The following ADAM28 variants were observed in gnomAD, a reference collection of about 807,000 sequenced individuals.
ADAM28 encodes disintegrin and metalloproteinase domain-containing protein 28.
Under a neutral mutation model 101.2 loss-of-function variants are expected in ADAM28, and 105 were observed. That is an observed-to-expected ratio of 1.04 (90% CI 0.89 to 1.22). ADAM28 has a LOEUF of 1.22. Among genes scored for constraint, ADAM28 ranks in the 50% most tolerant of loss-of-function variants. The probability of loss-of-function intolerance (pLI) is 0.00; values close to 1 mark genes in which losing one functional copy is unlikely to be tolerated. For synonymous variants in ADAM28, 322 were observed against 310.6 expected (o/e 1.04, Z -0.39); for missense variants, 1,028 against 945.4 (o/e 1.09, Z -1.15).
At chr8:24,306,393 T>TATATATATATATATATATATTTAAAA (rs1563270853) in intron 2 of ADAM28, among the ~76,000 whole-genome samples, 1 of 138,804 alleles carries the variant, frequency 7.2e-6, no homozygotes, top group Non-Finnish European at 1.5e-5. Context: ...TATTTAAAAA[T>TATATATATATATATATATATTTAAAA]ATATATATAT....
chr8:24,310,040 G>T (rs1427048211), intron 3 of ADAM28, 70 bp downstream of exon 3: 19 of 1,475,052 alleles, frequency 1.3e-5, no homozygotes, highest in Non-Finnish European at 4.7e-6. Context: ...TGCTGAGTCT[G>T]TTGCTGCTTA....
At chr8:24,352,894 A>G (rs1816337129) in intron 21 of ADAM28, among the ~76,000 whole-genome samples, 1 of 151,850 alleles carries the variant, frequency 6.6e-6, no homozygotes, top group African/African-American at 2.4e-5. Flanking sequence ...ACCACCGCCA[A>G]TTCCTGCACC....
chr8:24,353,028 CTTGAAAT>C (rs1316437194), intron 21 of ADAM28, among the ~76,000 whole-genome samples: 3 of 152,118 alleles, frequency 2.0e-5, no homozygotes, highest in Non-Finnish European at 4.4e-5. Context: ...TTGAGGTTAA[CTTGAAAT>C]ATCACAGCAC....
Position 24,356,745 on chromosome 8 carries a change from T to C in ADAM28, c.*2341T>C, listed in dbSNP as rs1816713171. 6.6e-6 allele frequency: 1 copy of C among 152,338 alleles called. No homozygotes were observed. Among genetic ancestry groups the C allele is most frequent in the Non-Finnish European group, 1.5e-5 (1 of 68,026 alleles). The allele number at this position is 152,338 out of a possible 1,614,324, so 9.4% of individuals were successfully genotyped here. ...CCAAACCTGTTTTCATCATTAGTTA[T>C]TTTTACCTTGTCTACTTTAAAACAG... On this transcript the variant is annotated 3_prime_UTR_variant, in exon 23 of 23. Coordinates refer to ENST00000265769, the MANE Select transcript of ADAM28 (RefSeq NM_014265.6).
chr8:24,312,236 C>G (rs1370557730), intron 5 of ADAM28, among the ~76,000 whole-genome samples: 3 of 152,054 alleles, frequency 2.0e-5, no homozygotes, highest in Non-Finnish European at 4.4e-5. Context: ...CTTAAAGAAA[C>G]CTCAATCTCA....
chr8:24,310,931 T>C (rs1810371951), intron 4 of ADAM28, among the ~76,000 whole-genome samples: 1 of 152,122 alleles, frequency 6.6e-6, no homozygotes, highest in Non-Finnish European at 1.5e-5. Flanking sequence ...ACGCTTTTGA[T>C]AAATCAAGAA....
At chr8:24,318,275 T>G (rs1811425602) in intron 6 of ADAM28, among the ~76,000 whole-genome samples, 2 of 152,002 alleles carry the variant, frequency 1.3e-5, no homozygotes, top group Admixed American at 1.3e-4. Flanking sequence ...TGGAAAGAGC[T>G]TTGCTTTTGA....
rs1816717079 is a variant in ADAM28, at chr8:24,356,805, T to TTACTC, written c.*2404_*2408dup. 6.6e-6 allele frequency: 1 copy of TTACTC among 152,222 alleles called. No homozygotes were observed. Among genetic ancestry groups the TTACTC allele is most frequent in the South Asian group, 2.1e-4 (1 of 4,836 alleles). The allele number at this position is 152,222 out of a possible 1,614,324, so 9.4% of individuals were successfully genotyped here. ...TAGGTTAAATTATGTTTTTATCCAGTTACTCTAAGATACCTTAGTGTTTGT... is the reference window on the plus strand; with the variant it reads ...TAGGTTAAATTATGTTTTTATCCAGTTACTCTACTCTAAGATACCTTAGTGTTTGT... On this transcript the variant is annotated 3_prime_UTR_variant, in exon 23 of 23. Transcript: ENST00000265769.
At chr8:24,334,175 T>C (rs568834590) in intron 13 of ADAM28, among the ~76,000 whole-genome samples, 5 of 152,322 alleles carry the variant, frequency 3.3e-5, no homozygotes, top group African/African-American at 1.2e-4. Flanking sequence ...TATACATATA[T>C]GAAACATATG....
intron 2 of ADAM28, among the ~76,000 whole-genome samples, chr8:24,308,136 T>G (rs1809950328): frequency 6.6e-6 from 1 of 152,192 alleles, no homozygotes; most frequent in Admixed American, 6.5e-5. Flanking sequence ...CAGCTAGTCT[T>G]ACTCAGTAAA....
chr8:24,328,019 G>GT (rs1480171969), intron 10 of ADAM28, among the ~76,000 whole-genome samples: 1 of 151,906 alleles, frequency 6.6e-6, no homozygotes, highest in Non-Finnish European at 1.5e-5. Context: ...CACAGTTTAC[G>GT]TAAGTAACAA....
At chr8:24,343,060 T>G (rs539366162) in intron 16 of ADAM28, 41 bp from the exon 17 acceptor site, 2 of 1,613,016 alleles carry the variant, frequency 1.2e-6, no homozygotes, top group East Asian at 4.5e-5. Flanking sequence ...TCATCTACGT[T>G]CAGAGAAGAT....
intron 2 of ADAM28, among the ~76,000 whole-genome samples, chr8:24,303,721 A>G (rs1809153180): frequency 6.6e-6 from 1 of 152,202 alleles, no homozygotes; most frequent in Non-Finnish European, 1.5e-5. Flanking sequence ...GATTCTATAA[A>G]TTACTGTGGG....
Position 24,343,092 on chromosome 8 carries a change from C to T in ADAM28, c.1831-9C>T. The T allele has an allele frequency of 1.2e-6, 2 of 1,613,620 alleles. No individual in the cohort carries two copies. Among genetic ancestry groups the T allele is most frequent in the Middle Eastern group, 3.3e-4 (2 of 6,058 alleles). ...AGATGAAGCTTCATGTTTTCTACAT[C>T]ACTTTCAGGTTTGCATTAATGCAGA... On this transcript the variant is annotated splice_polypyrimidine_tract_variant and intron_variant, in intron 16 of 22. Transcript: ENST00000265769.
chr8:24,323,963 CT>C lies in ADAM28; in HGVS notation c.851del (p.Leu284ProfsTer12). On this transcript the variant is annotated frameshift_variant, in exon 9 of 23. Coordinates refer to ENST00000265769, the MANE Select transcript of ADAM28 (RefSeq NM_014265.6). LOFTEE classifies it high-confidence loss of function. ...ENFSKWRGSV[L>X]SRRKRHDIAQ... ...TTTTTCTAAATGGAGGGGGAGTGTT[CT>C]CTCAAGAAGAAAGCGTCATGATATT... 1.9e-6 allele frequency: 3 copies of C among 1,612,060 alleles called. No individual in the cohort carries two copies. In the East Asian group the frequency reaches 6.7e-5, roughly 36 times the overall value.
chr8:24,300,142 T>C, intron 2 of ADAM28, 65 bp downstream of exon 2: 1 of 1,309,168 alleles, frequency 7.6e-7, no homozygotes, highest in East Asian at 2.3e-5. Context: ...TATATATATC[T>C]ATCTATGATG....
At chr8:24,341,879 A>G in intron 16 of ADAM28, 122 bp downstream of exon 16, 1 of 1,158,570 alleles carries the variant, frequency 8.6e-7, no homozygotes, top group Non-Finnish European at 1.2e-6. Flanking sequence ...GCCATGCCTT[A>G]ATAGAACCCA....
chr8:24,336,580 C>CAA lies in ADAM28; in HGVS notation c.1567+957_1567+958dup, dbSNP rs769016133. 3.4e-3 allele frequency among the ~76,000 whole-genome samples: 210 copies of CAA among 61,496 alleles called. 6 individuals carry two copies. The highest frequency in any genetic ancestry group is 4.7e-3 in the Non-Finnish European group (151 of 31,996). 40.3% of individuals were successfully genotyped at this position (61,496 alleles called of 152,430 possible). On this transcript the variant is annotated intron_variant, in intron 14 of 22. Coordinates refer to ENST00000265769, the MANE Select transcript of ADAM28 (RefSeq NM_014265.6). Reference sequence around the variant, plus strand: ...GGGTGACAAAGCCAGACTCCGTCTCCAAAAAAAAAAAAAAAAAAAGAAAAA... The same window carrying CAA: ...GGGTGACAAAGCCAGACTCCGTCTCCAAAAAAAAAAAAAAAAAAAAAGAAAAA...
chr8:24,316,550 T>TA (rs1239080936), intron 6 of ADAM28, among the ~76,000 whole-genome samples: 3 of 152,022 alleles, frequency 2.0e-5, no homozygotes, highest in Non-Finnish European at 4.4e-5. Flanking sequence ...GCCCAAGCAT[T>TA]AAGGTTTACC....
Sources: allele counts gnomAD v4.1 joint callset (sites outside exome capture counted in the v4.1 genomes callset), GRCh38; gene constraint gnomAD v4.1.1; transcripts MANE v1.5; gene names NCBI Gene and HGNC (gene_info 2026-07-23, HGNC 2026-07-21).